The following TMEM74 variants were observed in gnomAD, a reference collection of about 807,000 sequenced individuals.
The protein encoded by TMEM74 is transmembrane protein 74.
TMEM74 carries 13 observed loss-of-function variants against 18.1 expected under a neutral mutation model. The ratio of observed to expected loss-of-function variants is 0.72; its 90% confidence interval spans 0.47 to 1.14. The LOEUF (loss-of-function observed/expected upper bound fraction) is 1.14, where lower values mean the gene tolerates loss of function less well. Ranked by LOEUF, TMEM74 falls within the 50% of genes most tolerant of loss-of-function variation. The probability of loss-of-function intolerance (pLI) is 0.00; values close to 1 mark genes in which losing one functional copy is unlikely to be tolerated. For synonymous variants in TMEM74, 159 were observed against 146.6 expected (o/e 1.08, Z -0.61); for missense variants, 372 against 375.9 (o/e 0.99, Z 0.09).
At chr8:108,621,579 T>C (rs181261522) in intron 2 of TMEM74, among the ~76,000 whole-genome samples, 23 of 152,286 alleles carry the variant, frequency 1.5e-4, no homozygotes, top group African/African-American at 5.3e-4. Context: ...CACAGGGTTC[T>C]ATGATGGGAG....
At position 108,779,326 on chromosome 8, in the gene TMEM74, T is replaced by C. The variant is rs1814274411; in HGVS notation, c.*4855A>G. 6.6e-6 allele frequency among the ~76,000 whole-genome samples: 1 copy of C among 152,162 alleles called. No individual in the cohort carries two copies. Among genetic ancestry groups the C allele is most frequent in the South Asian group, 2.1e-4 (1 of 4,826 alleles). On this transcript the variant is annotated 3_prime_UTR_variant, in exon 2 of 2. Coordinates refer to ENST00000297459, the MANE Select transcript of TMEM74 (RefSeq NM_153015.3). ...TGTAATAATTAATCTTTCTTTCTTA[T>C]ATGACATTTGTTTGGAGCCTGGCTA...
intron 1 of TMEM74, among the ~76,000 whole-genome samples, chr8:108,690,852 G>A (rs540940969): frequency 1.3e-5 from 2 of 151,912 alleles, no homozygotes; most frequent in South Asian, 4.2e-4. Context: ...TAATAATAAA[G>A]TGCCAGCTCA....
At chr8:108,707,927 T>C (rs1813433027) in intron 1 of TMEM74, among the ~76,000 whole-genome samples, 1 of 152,216 alleles carries the variant, frequency 6.6e-6, no homozygotes, top group Admixed American at 6.5e-5. Flanking sequence ...GTTTGTTATA[T>C]AGGTAAACTG....
Position 108,757,050 on chromosome 8 carries a change from TG to T in TMEM74, n.119+30425del, listed in dbSNP as rs544676969. Among the ~76,000 whole-genome samples, 25 of 152,226 alleles carry T rather than the reference TG, an allele frequency of 1.6e-4. No individual in the cohort carries two copies. The East Asian group carries it at 4.8e-3, about 29-fold the overall frequency. On this transcript the variant is annotated intron_variant and non_coding_transcript_variant, in intron 1 of 3. Coordinates refer to the TMEM74 transcript ENST00000518838. ...CCACAGTAATTCCATTAATCATTTTTGTTTCCTCAGGAGCTAGGGGACTATA... is the reference window on the plus strand; with the variant it reads ...CCACAGTAATTCCATTAATCATTTTTTTTCCTCAGGAGCTAGGGGACTATA...
At chr8:108,703,926 T>C (rs1391633828) in intron 1 of TMEM74, among the ~76,000 whole-genome samples, 1 of 152,226 alleles carries the variant, frequency 6.6e-6, no homozygotes, top group Non-Finnish European at 1.5e-5. Flanking sequence ...CCAATCTTCA[T>C]TGCTTTGAAG....
At chr8:108,762,100 C>A (rs960064518) in intron 1 of TMEM74, among the ~76,000 whole-genome samples, 24 of 152,152 alleles carry the variant, frequency 1.6e-4, no homozygotes, top group African/African-American at 5.8e-4. Flanking sequence ...GGATAGACAT[C>A]ATCTTCAATA....
chr8:108,762,608 T>C (rs1814058112), intron 1 of TMEM74, among the ~76,000 whole-genome samples: 1 of 152,092 alleles, frequency 6.6e-6, no homozygotes, highest in African/African-American at 2.4e-5. Flanking sequence ...TCCAACATCA[T>C]TTCCTTATAT....
chr8:108,731,067 T>C (rs971735326), intron 1 of TMEM74, among the ~76,000 whole-genome samples: 3 of 152,198 alleles, frequency 2.0e-5, no homozygotes, highest in African/African-American at 7.2e-5. Context: ...CTTTATTCTT[T>C]TTTATTTTCA....
intron 1 of TMEM74, among the ~76,000 whole-genome samples, chr8:108,731,892 T>C (rs1813698836): frequency 7.2e-5 from 11 of 151,924 alleles, no homozygotes; most frequent in Admixed American, 7.2e-4. Context: ...CTACACCACA[T>C]AAAACAGGAA....
intron 1 of TMEM74, among the ~76,000 whole-genome samples, chr8:108,678,453 C>T (rs2066659677): frequency 6.6e-6 from 1 of 151,862 alleles, no homozygotes; most frequent in Admixed American, 6.6e-5. Flanking sequence ...CAACCTCTGC[C>T]TCCTGGGTTC....
chr8:108,723,684 G>A (rs189974177), intron 1 of TMEM74, among the ~76,000 whole-genome samples: 25 of 152,004 alleles, frequency 1.6e-4, no homozygotes, highest in East Asian at 7.7e-4. Flanking sequence ...TATTTTCAGC[G>A]TATTGAAAAA....
At chr8:108,661,357 T>C (rs1475426951) in intron 1 of TMEM74, among the ~76,000 whole-genome samples, 2 of 151,458 alleles carry the variant, frequency 1.3e-5, no homozygotes, top group African/African-American at 4.8e-5. Context: ...GTCTTTTATC[T>C]TTTTCCTCTC....
At chr8:108,746,724 G>T (rs1329032390) in intron 1 of TMEM74, among the ~76,000 whole-genome samples, 1 of 151,950 alleles carries the variant, frequency 6.6e-6, no homozygotes, top group Non-Finnish European at 1.5e-5. Context: ...TTTCACCACT[G>T]GGGAGTGGAG....
At chr8:108,623,586 C>G (rs974056388) in intron 2 of TMEM74, among the ~76,000 whole-genome samples, 5 of 152,118 alleles carry the variant, frequency 3.3e-5, no homozygotes, top group African/African-American at 1.2e-4. Context: ...TAGGCCAACA[C>G]TAGCCTTAAT....
chr8:108,775,576 C>A (rs144260780), downstream of TMEM74, among the ~76,000 whole-genome samples: 20 of 152,260 alleles, frequency 1.3e-4, no homozygotes, highest in African/African-American at 4.6e-4. Context: ...GTTTCCTGAC[C>A]CATGGCTTCT....
chr8:108,677,290 T>G (rs899875099), intron 1 of TMEM74, among the ~76,000 whole-genome samples: 1 of 152,134 alleles, frequency 6.6e-6, no homozygotes, highest in Non-Finnish European at 1.5e-5. Context: ...ATCTAGATTT[T>G]TGTAAAATTG....
intron 1 of TMEM74, among the ~76,000 whole-genome samples, chr8:108,663,156 G>T (rs762200272): frequency 1.3e-5 from 2 of 152,072 alleles, no homozygotes; most frequent in African/African-American, 4.8e-5. Flanking sequence ...TGAACAGACA[G>T]CCTGCAGAGG....
intron 1 of TMEM74, among the ~76,000 whole-genome samples, chr8:108,673,483 T>A (rs1813023392): frequency 2.6e-5 from 4 of 152,144 alleles, no homozygotes. Context: ...AAGTGAATCT[T>A]CAGGACACCT....
intron 1 of TMEM74, among the ~76,000 whole-genome samples, chr8:108,719,383 C>A (rs927154553): frequency 1.3e-5 from 2 of 151,964 alleles, no homozygotes; most frequent in African/African-American, 4.8e-5. Flanking sequence ...CAATATAATA[C>A]TTTATTGGAT....
Sources: gnomAD v4.1 joint callset for allele counts (sites outside exome capture counted in the v4.1 genomes callset) on GRCh38, gnomAD v4.1.1 for gene constraint, MANE v1.5 for transcripts, NCBI Gene and HGNC (gene_info 2026-07-23, HGNC 2026-07-21) for gene names.